LDB3: variants seen among roughly 807,000 people sequenced by gnomAD.
LDB3 encodes the protein LIM domain-binding protein 3.
In LDB3, 49 loss-of-function variants were observed where a neutral mutation model predicts 69.0. That is an observed-to-expected ratio of 0.71 (90% CI 0.56 to 0.90). The LOEUF is 0.90. Ranked by LOEUF, LDB3 falls within the 40% of genes least tolerant of loss-of-function variation. The probability of loss-of-function intolerance (pLI) is 0.00; values close to 1 mark genes in which losing one functional copy is unlikely to be tolerated. For missense variants in LDB3, 928 were observed against 974.1 expected (o/e 0.95, Z 0.63); for synonymous variants, 387 against 396.2 (o/e 0.98, Z 0.28).
chr10:86,668,704 G>A lies in LDB3; in HGVS notation c.13G>A (p.Val5Met), dbSNP rs773170985. The A allele has an allele frequency of 7.4e-6, 12 of 1,613,336 alleles. No homozygotes were observed. The South Asian group carries it at 9.9e-5, about 13-fold the overall frequency. Residue 5 changes from valine (V) to methionine (M), a missense_variant, in exon 2 of 14, where the codon GTG (valine) becomes ATG (methionine). Val to Met is a conservative substitution (Grantham distance 21, BLOSUM62 1). Coordinates refer to ENST00000361373, the MANE Select transcript of LDB3 (RefSeq NM_007078.3). MSYS[V>M]TLTGPGPWGF... is the part of the protein sequence containing the mutation. ...TGACAGCACCAGCATGTCTTACAGT[G>A]TGACCCTGACTGGGCCCGGGCCCTG...
chr10:86,675,996 T>G (rs1205990372), intron 2 of LDB3, among the ~76,000 whole-genome samples: 1 of 152,226 alleles, frequency 6.6e-6, no homozygotes, highest in Non-Finnish European at 1.5e-5. Context: ...TTTTTACACT[T>G]TGTTCACCTC....
At chr10:86,677,585 A>G (rs10887646) in intron 2 of LDB3, among the ~76,000 whole-genome samples, 37,714 of 152,032 alleles carry the variant, frequency 0.25, 5,563 homozygotes, top group South Asian at 0.42. Context: ...CCTTCCTGAG[A>G]TTCCATGGGG....
intron 12 of LDB3, among the ~76,000 whole-genome samples, chr10:86,719,144 T>C (rs1319809356): frequency 6.6e-6 from 1 of 152,142 alleles, no homozygotes; most frequent in African/African-American, 2.4e-5. Context: ...CACACCTTAA[T>C]CCCAGCACTT....
chr10:86,699,549 G>A lies in LDB3; in HGVS notation c.896+6978G>A. The A allele has an allele frequency of 6.8e-7, 1 of 1,476,272 alleles. No individual in the cohort carries two copies. Among genetic ancestry groups the A allele is most frequent in the South Asian group, 1.3e-5 (1 of 74,502 alleles). 91.4% of individuals were successfully genotyped at this position (1,476,272 alleles called of 1,614,324 possible). A position where few individuals can be genotyped will look rare whatever the true frequency, so the allele number is the denominator to read the frequency against. ...CTCTGCCCACCCCAGAGCTGATGCT[G>A]GGGCCCAGCCCCCTGCAGCTCTGTA... On this transcript the variant is annotated intron_variant, in intron 7 of 13. Transcript: ENST00000361373. This position sits in a 1 kb window ranked among gnomAD's most constrained non-coding sequence, Gnocchi z 4.9.
intron 13 of LDB3, among the ~76,000 whole-genome samples, chr10:86,730,559 A>G (rs1847420081): frequency 6.6e-6 from 1 of 152,230 alleles, no homozygotes; most frequent in Non-Finnish European, 1.5e-5. Flanking sequence ...GGGGTAGGGG[A>G]AAAATTAGCA....
intron 12 of LDB3, among the ~76,000 whole-genome samples, chr10:86,720,118 A>C (rs1847022579): frequency 6.6e-6 from 1 of 152,236 alleles, no homozygotes; most frequent in South Asian, 2.1e-4. Flanking sequence ...GCAAAACAAA[A>C]TAAAACTTCT....
intron 7 of LDB3, among the ~76,000 whole-genome samples, chr10:86,696,996 C>A (rs1228064823): frequency 6.6e-6 from 1 of 152,120 alleles, no homozygotes; most frequent in African/African-American, 2.4e-5. Context: ...TTTTGTCAAA[C>A]AGTCTTAGAC....
At position 86,681,720 on chromosome 10, in the gene LDB3, C is replaced by A; in HGVS notation, c.606C>A (p.Tyr202Ter). ...AATATAACAACCCCATTGGCCTGTA[C>A]TCGGCAGAGACCCTGAGGGAGATGG... ...PRQYNNPIGL[Y>*]SAETLREMAQ... The change falls in exon 5 of 14, where the codon TAC becomes TAA. Residue 202 changes from tyrosine to a stop codon, truncating the protein, a stop_gained. Transcript: ENST00000361373. LOFTEE classifies it high-confidence loss of function. The A allele has an allele frequency of 6.2e-7, 1 of 1,612,260 alleles. No homozygotes were observed.
In LDB3 at chr10:86,691,876, G is replaced by A. The variant is rs371706056; in HGVS notation, c.690-20G>A. 29 of 1,613,798 alleles carry A rather than the reference G, an allele frequency of 1.8e-5. No individual in the cohort carries two copies. Among genetic ancestry groups the A allele is most frequent in the East Asian group, 2.2e-5 (1 of 44,882 alleles). On this transcript the variant is annotated intron_variant, in intron 5 of 13. Transcript: ENST00000361373. The stretch of plus-strand genomic sequence containing the variant: ...GGGCTCCAGCCTAGCCCTCGCCCAC[G>A]GCCTCTCTCTGCATTACAGGAGCCT...
At chr10:86,692,440 G>A in intron 6 of LDB3, 95 bp from the exon 7 acceptor site, 1 of 1,269,962 alleles carries the variant, frequency 7.9e-7, no homozygotes, top group South Asian at 1.2e-5. Context: ...TGTGGGGCCT[G>A]GCTGAATCCT....
At chr10:86,717,862 CAG>C in intron 10 of LDB3, 100 bp from the exon 11 acceptor site, 1 of 1,105,858 alleles carries the variant, frequency 9.0e-7, no homozygotes, top group East Asian at 2.5e-5. Context: ...TCACAAAAGT[CAG>C]AGTTATTGGG....
chr10:86,697,448 T>C lies in LDB3; in HGVS notation c.896+4877T>C, dbSNP rs570409596. On this transcript the variant is annotated intron_variant, in intron 7 of 13. Coordinates refer to ENST00000361373, the MANE Select transcript of LDB3 (RefSeq NM_007078.3). Reference sequence around the variant, plus strand: ...ATTGGCCAGGCTGGTCTTGAACTCCTGACCTCAAGTGATCCACCAGCCTCG... The same window carrying C: ...ATTGGCCAGGCTGGTCTTGAACTCCCGACCTCAAGTGATCCACCAGCCTCG... Among the ~76,000 whole-genome samples the C allele has an allele frequency of 3.3e-4, 50 of 151,752 alleles. No individual in the cohort carries two copies. The South Asian group carries it at 7.3e-3, about 22-fold the overall frequency.
Position 86,718,764 on chromosome 10 carries a change from C to A in LDB3, c.1895C>A (p.Thr632Asn), listed in dbSNP as rs1195333947. 3.7e-6 allele frequency: 6 copies of A among 1,614,076 alleles called. No individual in the cohort carries two copies. In the South Asian group the frequency reaches 5.5e-5, roughly 15 times the overall value. Residue 632 changes from threonine to asparagine, a missense_variant, in exon 12 of 14, where the codon ACC becomes AAC. Coordinates refer to ENST00000361373, the MANE Select transcript of LDB3 (RefSeq NM_007078.3). ...MHALRQTWHT[T>N]CFVCAACKKP... is the part of the protein sequence containing the mutation. ...GCCTTGAGACAGACATGGCACACCA[C>A]CTGCTTCGTCTGTGCGGCCTGCAAG...
rs1003607816 is a variant in LDB3 at position 86,723,405 on chromosome 10, A to T, written c.1979-2732A>T. Among the ~76,000 whole-genome samples the T allele has an allele frequency of 2.0e-5, 3 of 152,270 alleles. No homozygotes were observed. The East Asian group carries it at 5.8e-4, about 29-fold the overall frequency. Reference sequence around the variant, plus strand: ...TCTTGGTTGGGGTATGTAGGGCATGAAGACTTCCCTGAAGGACAGCCTAGC... The same window carrying T: ...TCTTGGTTGGGGTATGTAGGGCATGTAGACTTCCCTGAAGGACAGCCTAGC... On this transcript the variant is annotated intron_variant, in intron 12 of 13. Coordinates refer to ENST00000361373, the MANE Select transcript of LDB3 (RefSeq NM_007078.3).
chr10:86,695,796 G>A (rs962068513), intron 7 of LDB3, among the ~76,000 whole-genome samples: 2 of 152,228 alleles, frequency 1.3e-5, no homozygotes, highest in Non-Finnish European at 2.9e-5. Flanking sequence ...GCCACATTGG[G>A]GATAGGGGTG....
intron 3 of LDB3, 115 bp from the exon 4 acceptor site, chr10:86,679,952 CCTCTGACTCAGCTAT>C: frequency 1.2e-6 from 1 of 812,126 alleles, no homozygotes; most frequent in Non-Finnish European, 2.1e-6. Flanking sequence ...GATCTGGGGC[CCTCTGACTCAGCTAT>C]CTCTGAGAGC....
chr10:86,672,635 A>G (rs1205140769), intron 2 of LDB3, among the ~76,000 whole-genome samples: 1 of 151,844 alleles, frequency 6.6e-6, no homozygotes, highest in African/African-American at 2.4e-5. Context: ...TGCAACATCT[A>G]TCAACAGGGG....
Position 86,677,382 on chromosome 10 carries a change from G to A in LDB3, c.94-1985G>A, listed in dbSNP as rs188109379. 4.9e-3 allele frequency among the ~76,000 whole-genome samples: 748 copies of A among 152,320 alleles called. 5 individuals are homozygous for A. The highest frequency in any genetic ancestry group is 7.3e-3 in the Non-Finnish European group (495 of 68,028). Reference sequence around the variant, plus strand: ...AATGTCACTAGGGGCCAGCCATCAAGCCTTTTTAGGTGACATTATTAGAAC... The same window carrying A: ...AATGTCACTAGGGGCCAGCCATCAAACCTTTTTAGGTGACATTATTAGAAC... On this transcript the variant is annotated intron_variant, in intron 2 of 13. Coordinates refer to ENST00000361373, the MANE Select transcript of LDB3 (RefSeq NM_007078.3).
intron 8 of LDB3, among the ~76,000 whole-genome samples, chr10:86,708,773 C>G (rs1846536054): frequency 6.6e-6 from 1 of 152,198 alleles, no homozygotes; most frequent in South Asian, 2.1e-4. Flanking sequence ...TTATCTCCGC[C>G]TTGTCTGGGA....
Sources: allele counts gnomAD v4.1 joint callset (sites outside exome capture counted in the v4.1 genomes callset), GRCh38; gene constraint gnomAD v4.1.1; non-coding constraint Gnocchi (gnomAD v3.1); transcripts MANE v1.5; gene names NCBI Gene and HGNC (gene_info 2026-07-23, HGNC 2026-07-21).